The following MTHFD1L variants were observed in gnomAD, a reference collection of about 807,000 sequenced individuals.
MTHFD1L encodes the protein monofunctional C1-tetrahydrofolate synthase, mitochondrial.
MTHFD1L carries 81 observed loss-of-function variants against 119.5 expected under a neutral mutation model. That is an observed-to-expected ratio of 0.68 (90% CI 0.57 to 0.82). MTHFD1L has a LOEUF of 0.82. Ranked by LOEUF, MTHFD1L falls within the 40% of genes least tolerant of loss-of-function variation. MTHFD1L has a pLI of 0.00. For missense variants in MTHFD1L, 1,125 were observed against 1,253.4 expected, an observed-to-expected ratio of 0.90 and a Z score of 1.55; for synonymous variants, 430 against 475.2, an observed-to-expected ratio of 0.90 and a Z score of 1.24.
At chr6:151,006,624 A>G (rs1052841240) in intron 20 of MTHFD1L, among the ~76,000 whole-genome samples, 3 of 152,114 alleles carry the variant, frequency 2.0e-5, no homozygotes, top group African/African-American at 7.3e-5. Flanking sequence ...ATGGTTATAA[A>G]TGAAACTTTT....
At chr6:150,921,719 A>G (rs1477866922) in intron 9 of MTHFD1L, among the ~76,000 whole-genome samples, 4 of 152,330 alleles carry the variant, frequency 2.6e-5, no homozygotes, top group Admixed American at 6.5e-5. Context: ...GGATTTTTTA[A>G]TAGTGTATTT....
intron 13 of MTHFD1L, 57 bp downstream of exon 13, chr6:150,938,802 G>A (rs899571570): frequency 8.4e-6 from 13 of 1,554,828 alleles, no homozygotes; most frequent in Non-Finnish European, 1.1e-5. Flanking sequence ...CTGACATCTT[G>A]TCTCTGCTCC....
chr6:150,920,664 C>T (rs1339683165), intron 9 of MTHFD1L, among the ~76,000 whole-genome samples: 2 of 152,170 alleles, frequency 1.3e-5, no homozygotes, highest in African/African-American at 2.4e-5. Flanking sequence ...TGATCATTCA[C>T]GCAGTCCTAT....
At chr6:150,994,063 G>T (rs1089921) in intron 20 of MTHFD1L, among the ~76,000 whole-genome samples, 2 of 78,466 alleles carry the variant, frequency 2.5e-5, no homozygotes, top group Non-Finnish European at 5.0e-5. Flanking sequence ...AACAACAACA[G>T]TAAAAAAAAA....
intron 26 of MTHFD1L, among the ~76,000 whole-genome samples, chr6:151,081,498 CAAAAAA>C (rs56795003): frequency 8.2e-5 from 8 of 98,158 alleles, no homozygotes; most frequent in East Asian, 2.5e-4. Flanking sequence ...ACTAAAAATG[CAAAAAA>C]AAAAAAAAAA....
intron 16 of MTHFD1L, among the ~76,000 whole-genome samples, chr6:150,953,862 T>G (rs1479663581): frequency 1.3e-5 from 2 of 152,212 alleles, no homozygotes; most frequent in Non-Finnish European, 2.9e-5. Flanking sequence ...TTTTAGTTGA[T>G]TGACTTTGCA....
intron 5 of MTHFD1L, among the ~76,000 whole-genome samples, chr6:150,883,647 G>A (rs948912903): frequency 6.6e-6 from 1 of 152,122 alleles, no homozygotes; most frequent in Non-Finnish European, 1.5e-5. Context: ...ATTTGGAGGG[G>A]AACATCATAA....
intron 25 of MTHFD1L, 75 bp from the exon 26 acceptor site, chr6:151,036,890 G>A (rs1786257955): frequency 1.3e-6 from 2 of 1,525,222 alleles, no homozygotes; most frequent in Non-Finnish European, 1.8e-6. Context: ...TGCCGAGACT[G>A]TATAAAGTGC....
Position 151,016,233 on chromosome 6 carries a change from G to A in MTHFD1L, c.2586+540G>A, listed in dbSNP as rs372866730. On this transcript the variant is annotated intron_variant, in intron 24 of 27. Transcript: ENST00000367321. The stretch of plus-strand genomic sequence containing the variant: ...GTCCTAAGTGAGGAGGTACTTTAGC[G>A]AACAGGATTTGACAGCTGACGCTTT... Among the ~76,000 whole-genome samples the A allele has an allele frequency of 1.4e-4, 22 of 152,292 alleles. 2 individuals are homozygous for A. The highest frequency in any genetic ancestry group is 4.6e-4 in the African/African-American group (19 of 41,558).
At chr6:150,869,236 G>A (rs1778987669) in intron 1 of MTHFD1L, among the ~76,000 whole-genome samples, 2 of 152,004 alleles carry the variant, frequency 1.3e-5, no homozygotes, top group African/African-American at 2.4e-5. Flanking sequence ...GTATACATGC[G>A]CCATGGTGGT....
intron 13 of MTHFD1L, among the ~76,000 whole-genome samples, chr6:150,944,276 A>G (rs13218142): frequency 0.41 from 62,678 of 151,932 alleles, 13,822 homozygotes; most frequent in East Asian, 0.93. Flanking sequence ...CAAGACCCCC[A>G]TCTCCACAGA....
Position 150,865,819 on chromosome 6 carries a change from C to A in MTHFD1L, c.-4C>A. 7.8e-7 allele frequency: 1 copy of A among 1,285,628 alleles called. No homozygotes were observed. The highest frequency in any genetic ancestry group is 9.9e-7 in the Non-Finnish European group (1 of 1,008,646). The allele number at this position is 1,285,628 out of a possible 1,614,324, so 79.6% of individuals were successfully genotyped here. ...TGTCCCCTGAGAACCAGCCGTCCCG[C>A]GCCATGGGCACGCGTCTGCCGCTCG... On this transcript the variant is annotated 5_prime_UTR_variant, in exon 1 of 28. Coordinates refer to ENST00000367321, the MANE Select transcript of MTHFD1L (RefSeq NM_015440.5).
At position 151,009,895 on chromosome 6, in the gene MTHFD1L, G is replaced by T; in HGVS notation, c.2202G>T (p.Val734=). The T allele has an allele frequency of 6.2e-7, 1 of 1,613,702 alleles. No homozygotes were observed. Among genetic ancestry groups the T allele is most frequent in the Non-Finnish European group, 8.5e-7 (1 of 1,179,860 alleles). The change falls in exon 21 of 28, where the codon GTG becomes GTT. Residue 734 remains valine, a synonymous_variant. Transcript: ENST00000367321. ...TCAAGTGCCGAGCTTCCGGCTTGGT[G>T]CCCAACGTGGTTGTGTTAGTGGCAA... The part of the protein sequence containing the change: ...FNIKCRASGL[V]PNVVVLVATV...
rs188595740 is a variant in MTHFD1L at position 150,887,860 on chromosome 6, G to T, written c.659G>T (p.Gly220Val). 6.2e-7 allele frequency: 1 copy of T among 1,602,602 alleles called. No individual in the cohort carries two copies. The highest frequency in any genetic ancestry group is 2.2e-5 in the East Asian group (1 of 44,526). ...TGGTTAGTAGGTGTCAACCTAGATG[G>T]AAAGAAGATTTTGGTAGTGGGGGCC... is the stretch of plus-strand genomic sequence containing the variant. ...LLEKSGVNLD[G>V]KKILVVGAHG... The change falls in exon 7 of 28, where the codon GGA (glycine) becomes GTA (valine). Residue 220 changes from glycine (G) to valine (V), a missense_variant. By Grantham distance (109) the Gly-to-Val change is moderately radical. Transcript: ENST00000367321.
intron 7 of MTHFD1L, among the ~76,000 whole-genome samples, chr6:150,893,463 G>C (rs1278911568): frequency 6.7e-6 from 1 of 150,312 alleles, no homozygotes; most frequent in African/African-American, 2.4e-5. Context: ...AATGGTAAAA[G>C]AGTTAAGGAA....
intron 7 of MTHFD1L, among the ~76,000 whole-genome samples, chr6:150,890,673 G>C (rs1476046397): frequency 6.6e-6 from 1 of 152,186 alleles, no homozygotes; most frequent in African/African-American, 2.4e-5. Context: ...TGGACTGAGG[G>C]CCATAAGGCA....
At chr6:151,081,662 T>C (rs1311204823) in intron 26 of MTHFD1L, among the ~76,000 whole-genome samples, 1 of 152,070 alleles carries the variant, frequency 6.6e-6, no homozygotes, top group African/African-American at 2.4e-5. Flanking sequence ...ACAGAGACTG[T>C]CTCAAAAATA....
chr6:151,089,106 T>C (rs991663767), intron 26 of MTHFD1L, among the ~76,000 whole-genome samples: 5 of 152,214 alleles, frequency 3.3e-5, no homozygotes, highest in African/African-American at 1.2e-4. Context: ...CTGTGAATCA[T>C]GTCACAGTCT....
intron 26 of MTHFD1L, among the ~76,000 whole-genome samples, chr6:151,069,635 G>A (rs1039144803): frequency 1.3e-5 from 2 of 152,058 alleles, no homozygotes; most frequent in Non-Finnish European, 1.5e-5. Flanking sequence ...AGCTTGCCTC[G>A]GTGTTTCTGT....
Sources: allele counts gnomAD v4.1 joint callset (sites outside exome capture counted in the v4.1 genomes callset), GRCh38; gene constraint gnomAD v4.1.1; transcripts MANE v1.5; gene names NCBI Gene and HGNC (gene_info 2026-07-23, HGNC 2026-07-21).